Variants in NBPF26 observed in about 807,000 individuals in gnomAD.
NBPF26 encodes NBPF family member NBPF26.
NBPF26 carries 79 observed loss-of-function variants against 119.6 expected under a neutral mutation model. The observed-to-expected ratio is 0.66, with a 90% CI of 0.55 to 0.80. The LOEUF (loss-of-function observed/expected upper bound fraction) is 0.80. NBPF26 is among the 30% of genes least tolerant of loss of function. The probability of loss-of-function intolerance (pLI) is 0.00; values close to 1 mark genes in which losing one functional copy is unlikely to be tolerated. For synonymous variants in NBPF26, 299 were observed against 457.7 expected (o/e 0.65, Z 4.43); for missense variants, 800 against 1,198.2 (o/e 0.67, Z 4.91).
rs1262637631 is a variant in NBPF26 at position 120,770,457 on chromosome 1, C to G, written c.155+6748C>G. ...GTGCTGGGATTACAGGCGTGAGCCA[C>G]CACACCCAGCCGAGGACATAGGTTT... On this transcript the variant is annotated intron_variant, in intron 2 of 29. Transcript: ENST00000620612. Among the ~76,000 whole-genome samples the G allele has an allele frequency of 7.1e-5, 8 of 112,998 alleles. 1 individual carries two copies. Among genetic ancestry groups the G allele is most frequent in the Admixed American group, 5.8e-4 (7 of 12,114 alleles). 74.1% of individuals were successfully genotyped at this position (112,998 alleles called of 152,430 possible). A position where few individuals can be genotyped will look rare whatever the true frequency, so the allele number is the denominator to read the frequency against.
At position 120,776,154 on chromosome 1, in the gene NBPF26, G is replaced by A. The variant is rs1169493790; in HGVS notation, c.156-8820G>A. 5.2e-5 allele frequency among the ~76,000 whole-genome samples: 6 copies of A among 116,402 alleles called. 1 individual carries two copies. The highest frequency in any genetic ancestry group is 1.5e-4 in the African/African-American group (3 of 19,838). The allele number at this position is 116,402 out of a possible 152,430, so 76.4% of individuals were successfully genotyped here. On this transcript the variant is annotated intron_variant, in intron 2 of 29. Transcript: ENST00000620612. ...TTCTATATGCCAGTCATTGTGTTAG[G>A]CACTGGGAGTATGAGAATTAATAAT... is the stretch of plus-strand genomic sequence containing the variant.
chr1:120,764,115 C>T (rs1291445840), intron 2 of NBPF26, among the ~76,000 whole-genome samples: 4 of 110,756 alleles, frequency 3.6e-5, no homozygotes, highest in South Asian at 2.7e-4. Context: ...GGTGTGGTGG[C>T]GCATGACTGG....
chr1:120,805,812 G>C lies in NBPF26; in HGVS notation c.961+47G>C. 2 of 1,260,546 alleles carry C rather than the reference G, an allele frequency of 1.6e-6. 1 individual carries two copies. Among genetic ancestry groups the C allele is most frequent in the South Asian group, 2.5e-5 (2 of 80,038 alleles). 78.1% of individuals were successfully genotyped at this position (1,260,546 alleles called of 1,614,324 possible). A position where few individuals can be genotyped will look rare whatever the true frequency, so the allele number is the denominator to read the frequency against. The stretch of plus-strand genomic sequence containing the variant: ...TCATGAAAGTGATGAATGATATCCT[G>C]TCTTCTCTCTGAGACACTAAATGCT... On this transcript the variant is annotated intron_variant, in intron 5 of 29. Coordinates refer to ENST00000620612, the Ensembl canonical transcript of NBPF26.
chr1:120,840,406 A>G (rs1553273447), exon 30 of NBPF26: 2 of 1,464,858 alleles, frequency 1.4e-6, no homozygotes, highest in South Asian at 1.2e-5. Flanking sequence ...GACTCACTGG[A>G]TATATGTTAT....
intron 10 of NBPF26, among the ~76,000 whole-genome samples, chr1:120,812,890 T>C (rs1311101250): frequency 9.0e-6 from 1 of 111,586 alleles, no homozygotes; most frequent in Non-Finnish European, 1.7e-5. Flanking sequence ...GCCATTGCAC[T>C]CCAGCCTGGG....
chr1:120,806,317 G>A lies in NBPF26; in HGVS notation c.961+552G>A, dbSNP rs1447341229. 8.7e-5 allele frequency among the ~76,000 whole-genome samples: 10 copies of A among 115,270 alleles called. 3 individuals carry two copies. The highest frequency in any genetic ancestry group is 2.2e-4 in the African/African-American group (5 of 22,964). The allele number at this position is 115,270 out of a possible 152,430, so 75.6% of individuals were successfully genotyped here. On this transcript the variant is annotated intron_variant, in intron 5 of 29. Coordinates refer to ENST00000620612, the Ensembl canonical transcript of NBPF26. Reference sequence around the variant, plus strand: ...GCATCAAGAGCAGGGAGTAGGGGCCGTGCAACGTGGCTCACTCCTATAATC... The same window carrying A: ...GCATCAAGAGCAGGGAGTAGGGGCCATGCAACGTGGCTCACTCCTATAATC...
At chr1:120,770,079 C>T (rs1651245143) in intron 2 of NBPF26, among the ~76,000 whole-genome samples, 1 of 112,638 alleles carries the variant, frequency 8.9e-6, no homozygotes, top group South Asian at 2.8e-4. Context: ...TTTCTTTTGC[C>T]TTATGATCTA....
In NBPF26 at chr1:120,727,387, C is replaced by T. The variant is rs1466330036; in HGVS notation, c.73+3137C>T. ...ACCTTAGTCATTCCAGTGTTTAACG[C>T]TTCTGACTCAAGAATTTTAAAATTG... On this transcript the variant is annotated intron_variant, in intron 1 of 29. Coordinates refer to ENST00000620612, the Ensembl canonical transcript of NBPF26. 1.7e-5 allele frequency among the ~76,000 whole-genome samples: 2 copies of T among 115,764 alleles called. 1 individual carries two copies. The highest frequency in any genetic ancestry group is 1.6e-4 in the Admixed American group (2 of 12,154). 75.9% of individuals were successfully genotyped at this position (115,764 alleles called of 152,430 possible).
intron 7 of NBPF26, among the ~76,000 whole-genome samples, chr1:120,809,321 T>C (rs1471984271): frequency 4.6e-5 from 7 of 150,544 alleles, no homozygotes; most frequent in Non-Finnish European, 1.0e-4. Context: ...AGGAAGTGCT[T>C]CAGACTGGAG....
At chr1:120,840,531 T>C in exon 30 of NBPF26, 1 of 1,471,722 alleles carries the variant, frequency 6.8e-7, no homozygotes, top group Non-Finnish European at 9.2e-7. Context: ...CAATAGGTTT[T>C]TTACTTTGAC....
At chr1:120,764,450 T>C in intron 2 of NBPF26, among the ~76,000 whole-genome samples, 1 of 89,670 alleles carries the variant, frequency 1.1e-5, no homozygotes, top group Admixed American at 1.1e-4. Context: ...AAAAATCTAA[T>C]TCTGAAAGTG....
intron 15 of NBPF26, among the ~76,000 whole-genome samples, chr1:120,820,468 A>ATATATG: frequency 2.5e-5 from 1 of 40,160 alleles, no homozygotes. Flanking sequence ...ATATATATAT[A>ATATATG]TATATATATA....
rs1379373632 is a variant in NBPF26 at position 120,806,560 on chromosome 1, T to G, written c.961+795T>G. On this transcript the variant is annotated intron_variant, in intron 5 of 29. Transcript: ENST00000620612. ...GTGAGCCAAGATTGCACTATTGAAC[T>G]CCAGCATGGGTGACAGGGCAAGACT... Among the ~76,000 whole-genome samples the G allele has an allele frequency of 1.8e-4, 22 of 124,022 alleles. 8 individuals carry two copies. The highest frequency in any genetic ancestry group is 8.5e-4 in the African/African-American group (22 of 26,034). The allele number at this position is 124,022 out of a possible 152,430, so 81.4% of individuals were successfully genotyped here.
exon 6 of NBPF26, chr1:120,807,654 C>G (rs1553270292): frequency 6.8e-7 from 1 of 1,467,802 alleles, no homozygotes; most frequent in Non-Finnish European, 9.2e-7. Flanking sequence ...GAGGAATGAG[C>G]GACAGTTCAA....
chr1:120,756,491 A>C lies in NBPF26; in HGVS notation c.74-7137A>C, dbSNP rs1456416229. Among the ~76,000 whole-genome samples the C allele has an allele frequency of 5.1e-5, 6 of 117,492 alleles. 3 individuals carry two copies. Among genetic ancestry groups the C allele is most frequent in the Admixed American group, 1.6e-4 (2 of 12,310 alleles). The allele number at this position is 117,492 out of a possible 152,430, so 77.1% of individuals were successfully genotyped here. A position where few individuals can be genotyped will look rare whatever the true frequency, so the allele number is the denominator to read the frequency against. ...GGTCTAAGCACAGATACCACACTGC[A>C]GATAGGGAGAAGGATATGAAAAAAA... On this transcript the variant is annotated intron_variant, in intron 1 of 29. Coordinates refer to ENST00000620612, the Ensembl canonical transcript of NBPF26.
intron 1 of NBPF26, 94 bp from the exon 2 acceptor site, chr1:120,763,534 A>G: frequency 3.6e-6 from 2 of 551,734 alleles, no homozygotes; most frequent in Non-Finnish European, 6.3e-6. Flanking sequence ...ATTAGGTGGG[A>G]ATGAATGCTG....
rs1227146097 is a variant in NBPF26 at position 120,818,481 on chromosome 1, C to G, written c.2423+307C>G. On this transcript the variant is annotated intron_variant, in intron 15 of 29. Transcript: ENST00000620612. ...TGAAGGGTTTTTTGTGTCTCTCTCT[C>G]CTTTAGTTCTGCTCTGATCTTAGTT... 2.4e-5 allele frequency among the ~76,000 whole-genome samples: 3 copies of G among 123,600 alleles called. 1 individual carries two copies. Among genetic ancestry groups the G allele is most frequent in the African/African-American group, 1.2e-4 (3 of 25,390 alleles). The allele number at this position is 123,600 out of a possible 152,430, so 81.1% of individuals were successfully genotyped here. A position where few individuals can be genotyped will look rare whatever the true frequency, so the allele number is the denominator to read the frequency against.
intron 16 of NBPF26, 79 bp downstream of exon 16, chr1:120,822,346 C>A: frequency 1.4e-6 from 1 of 712,168 alleles, no homozygotes. Flanking sequence ...CCTTGTGCCC[C>A]TTCTTGGGCT....
rs1193505033 is a variant in NBPF26, at chr1:120,764,116, G to A, written c.155+407G>A. Among the ~76,000 whole-genome samples the A allele has an allele frequency of 3.6e-5, 4 of 110,982 alleles. 1 individual carries two copies. The highest frequency in any genetic ancestry group is 6.9e-5 in the Non-Finnish European group (4 of 57,900). The allele number at this position is 110,982 out of a possible 152,430, so 72.8% of individuals were successfully genotyped here. A position where few individuals can be genotyped will look rare whatever the true frequency, so the allele number is the denominator to read the frequency against. ...ACAAAAATTAGCCAGGTGTGGTGGC[G>A]CATGACTGGAGTCCCAGCTACTCGG... On this transcript the variant is annotated intron_variant, in intron 2 of 29. Coordinates refer to ENST00000620612, the Ensembl canonical transcript of NBPF26.
Sources: gnomAD v4.1 joint callset for allele counts (sites outside exome capture counted in the v4.1 genomes callset) on GRCh38, gnomAD v4.1.1 for gene constraint, MANE v1.5 for transcripts, NCBI Gene and HGNC (gene_info 2026-07-23, HGNC 2026-07-21) for gene names.